FSTL4: variants seen among roughly 807,000 people sequenced by gnomAD.
FSTL4 encodes the protein follistatin like 4.
FSTL4 carries 28 observed loss-of-function variants against 78.2 expected under a neutral mutation model. That is an observed-to-expected ratio of 0.36 (90% confidence interval 0.27 to 0.49). The LOEUF is 0.49. Ranked by LOEUF, FSTL4 falls within the 20% of genes least tolerant of loss-of-function variation. FSTL4 has a pLI of 0.98. For synonymous variants in FSTL4, 422 were observed against 440.5 expected (o/e 0.96, Z 0.53); for missense variants, 922 against 1,084.9 (o/e 0.85, Z 2.11).
In FSTL4 at chr5:133,399,540, A is replaced by G. The variant is rs566446646; in HGVS notation, c.409+1198T>C. ...ACAGATAGATGTAACAGAGGCCAACACACCTTTGCTCCACCACCTCAGCCA... is the reference window on the plus strand; with the variant it reads ...ACAGATAGATGTAACAGAGGCCAACGCACCTTTGCTCCACCACCTCAGCCA... On this transcript the variant is annotated intron_variant, in intron 4 of 15. Coordinates refer to ENST00000265342, the MANE Select transcript of FSTL4 (RefSeq NM_015082.2). Among the ~76,000 whole-genome samples the G allele has an allele frequency of 2.0e-4, 30 of 152,266 alleles. No individual in the cohort carries two copies. In the East Asian group the frequency reaches 5.6e-3, roughly 28 times the overall value.
chr5:133,643,697 A>C, the FSTL4 span, among the ~76,000 whole-genome samples: 35,977 of 151,936 alleles, frequency 0.24, 4,774 homozygotes, highest in Admixed American at 0.35. Flanking sequence ...TATGTCCTGT[A>C]TTAACAGATG....
chr5:133,301,248 C>T (rs1435648345), intron 6 of FSTL4, among the ~76,000 whole-genome samples: 2 of 152,148 alleles, frequency 1.3e-5, no homozygotes, highest in African/African-American at 4.8e-5. Context: ...TGCCAAAGTG[C>T]GCAGGTCTAG....
chr5:133,691,816 C>G, the FSTL4 span, among the ~76,000 whole-genome samples: 1 of 152,166 alleles, frequency 6.6e-6, no homozygotes, highest in Non-Finnish European at 1.5e-5. Flanking sequence ...TCCCAGAAGA[C>G]AAACCCTCTT....
At chr5:133,221,891 GTTTTTTTTTTTTTTTTTTTT>G (rs59400068) in intron 11 of FSTL4, among the ~76,000 whole-genome samples, 4,689 of 43,362 alleles carry the variant, frequency 0.11, 225 homozygotes, top group Non-Finnish European at 0.21. Context: ...CTCTTTTCTA[GTTTTTTTTTTTTTTTTTTTT>G]TTTTTTTTTT....
the FSTL4 span, among the ~76,000 whole-genome samples, chr5:133,648,236 T>C: frequency 1.3e-5 from 2 of 151,782 alleles, no homozygotes; most frequent in South Asian, 2.1e-4. Flanking sequence ...AAAAAGGAGG[T>C]GATAGAAAAT....
chr5:133,439,830 T>C (rs2127002164), intron 3 of FSTL4, among the ~76,000 whole-genome samples: 1 of 152,286 alleles, frequency 6.6e-6, no homozygotes, highest in Middle Eastern at 3.4e-3. Flanking sequence ...GGTTTTCATG[T>C]ACTTAGCCCA....
At chr5:133,735,050 C>T in the FSTL4 span, among the ~76,000 whole-genome samples, 13 of 152,192 alleles carry the variant, frequency 8.5e-5, no homozygotes, top group South Asian at 4.1e-4. Context: ...TCCCTCTTCC[C>T]AACAGGCCTT....
chr5:133,581,989 T>G (rs896099280), intron 2 of FSTL4, among the ~76,000 whole-genome samples: 6 of 152,200 alleles, frequency 3.9e-5, no homozygotes, highest in African/African-American at 1.4e-4. Context: ...CTCCCACATA[T>G]GGGGAAGGGT....
chr5:133,277,102 G>C (rs747217495), intron 6 of FSTL4, among the ~76,000 whole-genome samples: 1 of 152,124 alleles, frequency 6.6e-6, no homozygotes, highest in Non-Finnish European at 1.5e-5. Flanking sequence ...ACCTGAGGTC[G>C]GGAGTTTGAA....
the FSTL4 span, among the ~76,000 whole-genome samples, chr5:133,622,185 G>C: frequency 1.3e-5 from 2 of 152,112 alleles, no homozygotes; most frequent in African/African-American, 4.8e-5. Context: ...TCTTTGCTCA[G>C]CATAACTACC....
At chr5:133,753,921 C>G in the FSTL4 span, among the ~76,000 whole-genome samples, 1 of 152,148 alleles carries the variant, frequency 6.6e-6, no homozygotes, top group African/African-American at 2.4e-5. Context: ...CTTAACTTCT[C>G]TAAGCTGCAG....
At chr5:133,542,743 T>C (rs1281725715) in intron 3 of FSTL4, among the ~76,000 whole-genome samples, 2 of 152,208 alleles carry the variant, frequency 1.3e-5, no homozygotes, top group Non-Finnish European at 2.9e-5. Flanking sequence ...AATAAGATTC[T>C]ATTATTGTTT....
At chr5:133,752,955 G>GA in the FSTL4 span, among the ~76,000 whole-genome samples, 1 of 152,038 alleles carries the variant, frequency 6.6e-6, no homozygotes, top group Non-Finnish European at 1.5e-5. Flanking sequence ...AGAAAGAAAA[G>GA]AAAAAACAAG....
intron 3 of FSTL4, among the ~76,000 whole-genome samples, chr5:133,451,515 C>G (rs915339881): frequency 3.9e-5 from 6 of 152,086 alleles, no homozygotes; most frequent in African/African-American, 1.4e-4. Context: ...GAGCTGAGAT[C>G]ATGCCACTTC....
chr5:133,702,487 C>T, the FSTL4 span, among the ~76,000 whole-genome samples: 2 of 152,022 alleles, frequency 1.3e-5, no homozygotes, highest in African/African-American at 4.8e-5. Context: ...ATGGGGCCCC[C>T]GGAGTCCGGG....
At chr5:133,831,435 G>A in the FSTL4 span, among the ~76,000 whole-genome samples, 2 of 151,960 alleles carry the variant, frequency 1.3e-5, no homozygotes, top group East Asian at 1.9e-4. Flanking sequence ...AACTCCACAC[G>A]CAACCTCATT....
At chr5:133,221,228 G>A (rs1033641195) in intron 11 of FSTL4, among the ~76,000 whole-genome samples, 4 of 152,180 alleles carry the variant, frequency 2.6e-5, no homozygotes, top group Non-Finnish European at 4.4e-5. Context: ...GTCACATCAG[G>A]ATGGATCAGT....
Position 133,458,673 on chromosome 5 carries a change from T to C in FSTL4, c.161-57687A>G, listed in dbSNP as rs537662782. On this transcript the variant is annotated intron_variant, in intron 3 of 15. Transcript: ENST00000265342. ...TGGGGATGGCCTGGCCTCATGGGAA[T>C]GCCCCCAGATGATGGGCAACTGTTT... Among the ~76,000 whole-genome samples the C allele has an allele frequency of 3.9e-5, 6 of 152,346 alleles. No individual in the cohort carries two copies. The South Asian group carries it at 8.3e-4, about 21-fold the overall frequency.
At chr5:133,253,493 C>T (rs1408265702) in intron 6 of FSTL4, among the ~76,000 whole-genome samples, 1 of 152,228 alleles carries the variant, frequency 6.6e-6, no homozygotes, top group East Asian at 1.9e-4. Flanking sequence ...CTGAGTCTTG[C>T]AAGTGCTCCC....
Sources: gnomAD v4.1 joint callset for allele counts (sites outside exome capture counted in the v4.1 genomes callset) on GRCh38, gnomAD v4.1.1 for gene constraint, MANE v1.5 for transcripts, NCBI Gene and HGNC (gene_info 2026-07-23, HGNC 2026-07-21) for gene names.